ATP2B2: variants seen among roughly 807,000 people sequenced by gnomAD.
The protein encoded by ATP2B2 is plasma membrane calcium-transporting ATPase 2.
A neutral mutation model predicts 120.0 loss-of-function variants in ATP2B2; 15 were observed. That is an observed-to-expected ratio of 0.12 (90% CI 0.08 to 0.19). ATP2B2 has a LOEUF of 0.19. Ranked by LOEUF, ATP2B2 falls within the 10% of genes least tolerant of loss-of-function variation. The probability of loss-of-function intolerance (pLI) is 1.00; values close to 1 mark genes in which losing one functional copy is unlikely to be tolerated. For synonymous variants in ATP2B2, 694 were observed against 700.3 expected, an observed-to-expected ratio of 0.99 and a Z score of 0.14; for missense variants, 1,045 against 1,719.8, an observed-to-expected ratio of 0.61 and a Z score of 6.94.
At chr3:10,616,036 T>C (rs1230743751) in intron 2 of ATP2B2, among the ~76,000 whole-genome samples, 1 of 152,110 alleles carries the variant, frequency 6.6e-6, no homozygotes, top group Non-Finnish European at 1.5e-5. Flanking sequence ...GATGGAGACA[T>C]GAGTTTTCCT....
chr3:10,368,421 A>G (rs1242490812), intron 12 of ATP2B2, among the ~76,000 whole-genome samples: 2 of 152,048 alleles, frequency 1.3e-5, no homozygotes, highest in Non-Finnish European at 2.9e-5. Flanking sequence ...CTATAAATTC[A>G]TAGTCACCCA....
intron 5 of ATP2B2, among the ~76,000 whole-genome samples, chr3:10,393,233 C>T (rs896963616): frequency 1.3e-5 from 2 of 152,144 alleles, no homozygotes; most frequent in Non-Finnish European, 2.9e-5. Flanking sequence ...GGGAGGTGGT[C>T]CAGTGTGATG....
At chr3:10,548,112 G>A (rs2067590937) in intron 2 of ATP2B2, among the ~76,000 whole-genome samples, 1 of 152,222 alleles carries the variant, frequency 6.6e-6, no homozygotes, top group Non-Finnish European at 1.5e-5. Context: ...TTGTAGACTG[G>A]TGATGAGGTT....
intron 2 of ATP2B2, among the ~76,000 whole-genome samples, chr3:10,448,235 T>C (rs1365306936): frequency 6.6e-6 from 1 of 152,208 alleles, no homozygotes; most frequent in Non-Finnish European, 1.5e-5. Context: ...CACTTCTCCT[T>C]AGAATAATCA....
chr3:10,369,376 T>G (rs1387714032), intron 12 of ATP2B2, among the ~76,000 whole-genome samples: 2 of 152,112 alleles, frequency 1.3e-5, no homozygotes, highest in African/African-American at 2.4e-5. Flanking sequence ...ACCCCAGACC[T>G]TTCTTCCCAA....
chr3:10,519,525 G>A (rs1045981481), intron 3 of ATP2B2, among the ~76,000 whole-genome samples: 2 of 152,164 alleles, frequency 1.3e-5, no homozygotes, highest in Non-Finnish European at 2.9e-5. Context: ...CTGATGGTAC[G>A]TGAGAGGCGT....
Position 10,466,087 on chromosome 3 carries a change from T to C in ATP2B2, c.-319-16225A>G, listed in dbSNP as rs148881978. On this transcript the variant is annotated intron_variant, in intron 1 of 22. Transcript: ENST00000360273. ...CCTAAGCCCTTTACAGCATCTCTGT[T>C]AAGCCCTGCTTGTGTTTGCATGCCC... 7.5e-3 allele frequency among the ~76,000 whole-genome samples: 1,142 copies of C among 152,348 alleles called. 42 individuals carry two copies. Among genetic ancestry groups the C allele is most frequent in the Non-Finnish European group, 3.5e-3 (238 of 68,040 alleles).
chr3:10,368,469 T>C (rs1011909951), intron 12 of ATP2B2, among the ~76,000 whole-genome samples: 6 of 151,110 alleles, frequency 4.0e-5, no homozygotes, highest in African/African-American at 1.5e-4. Flanking sequence ...ATTCGTCCAT[T>C]CATCCATCCA....
chr3:10,368,593 C>T lies in ATP2B2; in HGVS notation c.1659+3216G>A, dbSNP rs577710187. On this transcript the variant is annotated intron_variant, in intron 12 of 22. Coordinates refer to ENST00000360273, the MANE Select transcript of ATP2B2 (RefSeq NM_001001331.4). ...ATATCCATGCATCCACTCATCCATC[C>T]GCCAATGAACACATCCATCCATCCA... Among the ~76,000 whole-genome samples the T allele has an allele frequency of 2.2e-4, 34 of 152,026 alleles. 2 individuals are homozygous for T. The South Asian group carries it at 3.4e-3, about 15-fold the overall frequency.
intron 2 of ATP2B2, among the ~76,000 whole-genome samples, chr3:10,571,983 G>T (rs879819829): frequency 2.6e-5 from 4 of 152,160 alleles, no homozygotes; most frequent in Non-Finnish European, 4.4e-5. Context: ...CCCACCCCTT[G>T]GCTTTCTGCT....
intron 2 of ATP2B2, among the ~76,000 whole-genome samples, chr3:10,428,985 C>CGAG (rs1440150770): frequency 2.6e-5 from 4 of 152,340 alleles, no homozygotes; most frequent in Admixed American, 2.0e-4. Flanking sequence ...ATGTCTCTCC[C>CGAG]TGACTCCCTC....
intron 3 of ATP2B2, among the ~76,000 whole-genome samples, chr3:10,408,908 A>G (rs1325673227): frequency 2.0e-5 from 3 of 152,162 alleles, no homozygotes; most frequent in African/African-American, 7.2e-5. Flanking sequence ...GACAGGACCG[A>G]GGAGCCAGAA....
chr3:10,444,809 G>A (rs2063783946), intron 2 of ATP2B2, among the ~76,000 whole-genome samples: 1 of 152,254 alleles, frequency 6.6e-6, no homozygotes, highest in Non-Finnish European at 1.5e-5. Context: ...GACACAGGGT[G>A]TCCTGTGTCT....
At chr3:10,699,052 C>T (rs992398767) in intron 1 of ATP2B2, among the ~76,000 whole-genome samples, 4 of 152,216 alleles carry the variant, frequency 2.6e-5, no homozygotes, top group African/African-American at 4.8e-5. Context: ...TGGTTCCCTC[C>T]GGCCTTCCAG....
chr3:10,486,497 C>T (rs1377408417), intron 1 of ATP2B2, among the ~76,000 whole-genome samples: 1 of 152,098 alleles, frequency 6.6e-6, no homozygotes, highest in African/African-American at 2.4e-5. Flanking sequence ...CATTTTGCTG[C>T]AGTCACAACA....
At chr3:10,573,455 A>T (rs939257812) in intron 2 of ATP2B2, among the ~76,000 whole-genome samples, 1 of 152,186 alleles carries the variant, frequency 6.6e-6, no homozygotes, top group Non-Finnish European at 1.5e-5. Context: ...CCCTGACTGC[A>T]TGCTCAGTCT....
chr3:10,622,251 C>T (rs931674073), intron 1 of ATP2B2, among the ~76,000 whole-genome samples: 4 of 152,154 alleles, frequency 2.6e-5, no homozygotes, highest in Non-Finnish European at 4.4e-5. Flanking sequence ...ATCTTCTCCA[C>T]GGGGACTTTT....
intron 2 of ATP2B2, among the ~76,000 whole-genome samples, chr3:10,614,203 C>G (rs750875871): frequency 1.3e-5 from 2 of 152,134 alleles, no homozygotes; most frequent in South Asian, 4.1e-4. Flanking sequence ...AAGGCAGGAA[C>G]CACGTCTACT....
chr3:10,384,198 G>A (rs2061608034), intron 8 of ATP2B2, among the ~76,000 whole-genome samples: 1 of 152,208 alleles, frequency 6.6e-6, no homozygotes. Context: ...AGAGGTCTAG[G>A]GCAGGGGATG....
Sources: gnomAD v4.1 joint callset for allele counts (sites outside exome capture counted in the v4.1 genomes callset) on GRCh38, gnomAD v4.1.1 for gene constraint, MANE v1.5 for transcripts, NCBI Gene and HGNC (gene_info 2026-07-23, HGNC 2026-07-21) for gene names.